The following PDE10A variants were observed in gnomAD, a reference collection of about 807,000 sequenced individuals.
PDE10A encodes cAMP and cAMP-inhibited cGMP 3',5'-cyclic phosphodiesterase 10A.
In PDE10A, 39 loss-of-function variants were observed where a neutral mutation model predicts 97.7. That is an observed-to-expected ratio of 0.40 (90% CI 0.31 to 0.52). The LOEUF (loss-of-function observed/expected upper bound fraction) is 0.52, where lower values mean the gene tolerates loss of function less well. Among genes scored for constraint, PDE10A ranks in the 20% least tolerant of loss-of-function variants. The probability of loss-of-function intolerance (pLI) is 0.56; values close to 1 mark genes in which losing one functional copy is unlikely to be tolerated. For missense variants in PDE10A, 731 were observed against 1,047.8 expected (o/e 0.70, Z 4.17); for synonymous variants, 371 against 376.8 (o/e 0.98, Z 0.18).
chr6:165,709,507 A>G (rs1007812402), intron 1 of PDE10A, among the ~76,000 whole-genome samples: 83 of 4,910 alleles, frequency 0.017, no homozygotes, highest in African/African-American at 0.074. Context: ...CGCTCCCCCC[A>G]ACTCTCCACC....
At position 165,987,920 on chromosome 6, in the gene PDE10A, C is replaced by T. The variant is rs191592521; in HGVS notation, c.-1006G>A. 76 of 372,816 alleles carry T rather than the reference C, an allele frequency of 2.0e-4. No individual in the cohort carries two copies. In the Middle Eastern group the frequency reaches 8.6e-3, roughly 42 times the overall value. 23.1% of individuals were successfully genotyped at this position (372,816 alleles called of 1,614,324 possible). On this transcript the variant is annotated 5_prime_UTR_variant, in exon 1 of 20. Transcript: ENST00000366882. ...CCATCTCAGCTCAAGCTCCCAGCAG[C>T]AGCAACTTCGGACTCAGACCTCTCT...
chr6:165,668,435 G>T (rs562219354), intron 1 of PDE10A, among the ~76,000 whole-genome samples: 1 of 152,278 alleles, frequency 6.6e-6, no homozygotes, highest in Admixed American at 6.5e-5. Context: ...TGTTCATGTT[G>T]CTTGAAATAA....
chr6:165,792,625 T>C (rs1367404871), intron 1 of PDE10A, among the ~76,000 whole-genome samples: 2 of 152,142 alleles, frequency 1.3e-5, no homozygotes, highest in Non-Finnish European at 2.9e-5. Flanking sequence ...GGTTCAGTCC[T>C]GGGTGACTCC....
rs541604254 is a variant in PDE10A at position 165,816,314 on chromosome 6, A to C, written c.-615+171215T>G. 2.6e-5 allele frequency among the ~76,000 whole-genome samples: 4 copies of C among 152,346 alleles called. No homozygotes were observed. The South Asian group carries it at 8.3e-4, about 32-fold the overall frequency. Reference sequence around the variant, plus strand: ...ACCAACTCCTGATAAAGAAACTTGAATAACCATTCAGTTAATATTTATTGA... The same window carrying C: ...ACCAACTCCTGATAAAGAAACTTGACTAACCATTCAGTTAATATTTATTGA... On this transcript the variant is annotated intron_variant, in intron 1 of 19. Coordinates refer to the PDE10A transcript ENST00000366882.
At chr6:165,650,670 T>G (rs972962174) in intron 1 of PDE10A, among the ~76,000 whole-genome samples, 4 of 152,218 alleles carry the variant, frequency 2.6e-5, no homozygotes. Flanking sequence ...CTACGCCATA[T>G]TCATATCTTG....
At chr6:165,342,140 G>A (rs561549944) in intron 19 of PDE10A, among the ~76,000 whole-genome samples, 1 of 152,026 alleles carries the variant, frequency 6.6e-6, no homozygotes, top group African/African-American at 2.4e-5. Context: ...TGATAAAATC[G>A]ACTAGTATCT....
chr6:165,765,806 G>A (rs112830987), intron 1 of PDE10A, among the ~76,000 whole-genome samples: 7,138 of 152,352 alleles, frequency 0.047, 263 homozygotes, highest in South Asian at 0.18. Flanking sequence ...GGCACCCAGA[G>A]TGAGCGAGGG....
At chr6:165,770,652 C>T (rs1450498669) in intron 1 of PDE10A, among the ~76,000 whole-genome samples, 1 of 152,186 alleles carries the variant, frequency 6.6e-6, no homozygotes. Context: ...GACTCAAGAA[C>T]GCCTCCCTCC....
At chr6:165,375,221 C>A (rs543727189) in intron 18 of PDE10A, among the ~76,000 whole-genome samples, 2 of 152,262 alleles carry the variant, frequency 1.3e-5, no homozygotes, top group South Asian at 4.1e-4. Flanking sequence ...GAAGGCACAT[C>A]TAAAGCTGAG....
intron 1 of PDE10A, among the ~76,000 whole-genome samples, chr6:165,729,106 G>A (rs569223572): frequency 6.6e-6 from 1 of 151,848 alleles, no homozygotes; most frequent in African/African-American, 2.4e-5. Context: ...GGAGGCTGAG[G>A]CAGGAGGATC....
At chr6:165,664,146 C>T (rs754312344), upstream of PDE10A, among the ~76,000 whole-genome samples, 1 of 152,114 alleles carries the variant, frequency 6.6e-6, no homozygotes, top group Non-Finnish European at 1.5e-5. Context: ...TCAGCTTTCA[C>T]GAAGGGCAAA....
intron 10 of PDE10A, among the ~76,000 whole-genome samples, chr6:165,423,880 T>C (rs910241729): frequency 1.3e-5 from 2 of 151,850 alleles, no homozygotes; most frequent in African/African-American, 4.8e-5. Flanking sequence ...CCAGATTTGC[T>C]TGTCTGAAAA....
chr6:165,804,403 G>GTTTGT (rs894903125), intron 1 of PDE10A, among the ~76,000 whole-genome samples: 7 of 152,228 alleles, frequency 4.6e-5, no homozygotes, highest in East Asian at 3.9e-4. Context: ...CGTTTGCTTC[G>GTTTGT]TTTGTTTTGT....
chr6:165,916,555 G>C (rs549900783), intron 1 of PDE10A, among the ~76,000 whole-genome samples: 2 of 152,338 alleles, frequency 1.3e-5, no homozygotes, highest in Admixed American at 6.5e-5. Flanking sequence ...CAAATGACAA[G>C]ACCTAATGAC....
rs1164099666 is a variant in PDE10A, at chr6:165,435,218, G to C, written c.1335+19C>G. On this transcript the variant is annotated intron_variant, in intron 6 of 21. Transcript: ENST00000539869. The stretch of plus-strand genomic sequence containing the variant: ...TACTTTAGGTCAAAAGTGTCACAAA[G>C]AATCAAAAAGCCACTTACTCCAAGG... 1.3e-6 allele frequency: 2 copies of C among 1,597,306 alleles called. No homozygotes were observed. The highest frequency in any genetic ancestry group is 1.7e-6 in the Non-Finnish European group (2 of 1,171,280).
intron 1 of PDE10A, among the ~76,000 whole-genome samples, chr6:165,548,276 C>CTTTTT (rs57134252): frequency 9.5e-6 from 1 of 105,628 alleles, no homozygotes; most frequent in East Asian, 3.0e-4. Context: ...CTTTAAATCT[C>CTTTTT]TTTTTTTTTT....
intron 1 of PDE10A, among the ~76,000 whole-genome samples, chr6:165,559,260 C>T (rs974676069): frequency 8.6e-5 from 13 of 151,818 alleles, no homozygotes; most frequent in South Asian, 4.2e-4. Flanking sequence ...ATTTCCAATA[C>T]GAAGTAGGAA....
chr6:165,457,799 A>T (rs1052768868), intron 3 of PDE10A, among the ~76,000 whole-genome samples: 4 of 152,224 alleles, frequency 2.6e-5, no homozygotes, highest in Non-Finnish European at 4.4e-5. Context: ...TCAGAAAGAA[A>T]AGTAAAAGCT....
At chr6:165,406,648 G>C (rs1787199254) in intron 13 of PDE10A, among the ~76,000 whole-genome samples, 1 of 152,082 alleles carries the variant, frequency 6.6e-6, no homozygotes, top group East Asian at 1.9e-4. Context: ...CTGGGTTAGA[G>C]GATGCTCGGA....
Sources: allele counts gnomAD v4.1 joint callset (sites outside exome capture counted in the v4.1 genomes callset), GRCh38; gene constraint gnomAD v4.1.1; transcripts MANE v1.5; gene names NCBI Gene and HGNC (gene_info 2026-07-23, HGNC 2026-07-21).